The following FBXO41 variants were observed in gnomAD, a reference collection of about 807,000 sequenced individuals.
The protein encoded by FBXO41 is F-box protein 41.
In FBXO41, 33 loss-of-function variants were observed where a neutral mutation model predicts 81.6. The ratio of observed to expected loss-of-function variants is 0.40; its 90% CI spans 0.31 to 0.54. FBXO41 has a LOEUF of 0.54. Ranked by LOEUF, FBXO41 falls within the 20% of genes least tolerant of loss-of-function variation. The probability of loss-of-function intolerance (pLI) is 0.39; values close to 1 mark genes in which losing one functional copy is unlikely to be tolerated. For missense variants in FBXO41, 1,107 were observed against 1,236.0 expected (o/e 0.90, Z 1.56); for synonymous variants, 576 against 552.7 (o/e 1.04, Z -0.59).
At chr2:73,278,139 T>C (rs1688748246) in intron 1 of FBXO41, among the ~76,000 whole-genome samples, 1 of 152,158 alleles carries the variant, frequency 6.6e-6, no homozygotes, top group African/African-American at 2.4e-5. Flanking sequence ...GCTAGGACAG[T>C]GAAGCTGTCT....
In FBXO41 at chr2:73,258,113, C is replaced by T. The variant is rs886439101; in HGVS notation, c.*869G>A. ...GAAGGAAATTCCTTAAGGACAGGAA[C>T]TACTTCTCACTGTGACAGGGCTGCC... On this transcript the variant is annotated 3_prime_UTR_variant, in exon 13 of 13. Coordinates refer to ENST00000520530, the MANE Select transcript of FBXO41 (RefSeq NM_001371389.2). The T allele has an allele frequency of 6.6e-6, 1 of 152,256 alleles. No individual in the cohort carries two copies. Among genetic ancestry groups the T allele is most frequent in the African/African-American group, 2.4e-5 (1 of 41,454 alleles). The allele number at this position is 152,256 out of a possible 1,614,324, so 9.4% of individuals were successfully genotyped here.
chr2:73,281,366 C>A (rs896977160), intron 1 of FBXO41, among the ~76,000 whole-genome samples: 1 of 152,178 alleles, frequency 6.6e-6, no homozygotes, highest in Admixed American at 6.5e-5. Flanking sequence ...ATCACTTGCC[C>A]AAGGAAGGCC....
rs2103844204 is a variant in FBXO41, at chr2:73,258,948, G to C, written c.*34C>G. ...GGTCCAAAGAGAGTGCCCTGGTGTG[G>C]GGCTGGCAGGGGCCCTGCCGCCCCC... On this transcript the variant is annotated 3_prime_UTR_variant, in exon 13 of 13. Transcript: ENST00000520530. 1.3e-6 allele frequency: 2 copies of C among 1,548,448 alleles called. No individual in the cohort carries two copies. Among genetic ancestry groups the C allele is most frequent in the East Asian group, 4.9e-5 (2 of 41,166 alleles).
chr2:73,274,050 A>G (rs1001222255), intron 1 of FBXO41, among the ~76,000 whole-genome samples: 2 of 152,148 alleles, frequency 1.3e-5, no homozygotes, highest in African/African-American at 4.8e-5. Context: ...CCACAACCTC[A>G]TCACATCTAG....
rs556310305 is a variant in FBXO41 at position 73,260,289 on chromosome 2, G to A, written c.2449+100C>T. 14 of 1,451,690 alleles carry A rather than the reference G, an allele frequency of 9.6e-6. No homozygotes were observed. The highest frequency in any genetic ancestry group is 5.6e-5 in the African/African-American group (4 of 71,480). 89.9% of individuals were successfully genotyped at this position (1,451,690 alleles called of 1,614,324 possible). ...CCCCCTGCCTCTGCCCTTGGCTGGA[G>A]ACTCTGATCCATCTGCCCCAGTGAT... On this transcript the variant is annotated intron_variant, in intron 11 of 12. Coordinates refer to ENST00000520530, the MANE Select transcript of FBXO41 (RefSeq NM_001371389.2). The surrounding 1 kb of genome is among the most constrained non-coding windows in gnomAD (Gnocchi z 5.0).
At chr2:73,271,303 C>T in intron 1 of FBXO41, 1 of 253,936 alleles carries the variant, frequency 3.9e-6, no homozygotes, top group Non-Finnish European at 7.8e-6. Flanking sequence ...TCCTTCCCCA[C>T]TTTCTCAGTC....
rs1423545338 is a variant in FBXO41 at position 73,257,679 on chromosome 2, G to A, written c.*1303C>T. 1 of 152,266 alleles carries A rather than the reference G, an allele frequency of 6.6e-6. No homozygotes were observed. Among genetic ancestry groups the A allele is most frequent in the Non-Finnish European group, 1.5e-5 (1 of 68,094 alleles). The allele number at this position is 152,266 out of a possible 1,614,324, so 9.4% of individuals were successfully genotyped here. A position where few individuals can be genotyped will look rare whatever the true frequency, so the allele number is the denominator to read the frequency against. On this transcript the variant is annotated 3_prime_UTR_variant, in exon 13 of 13. Coordinates refer to ENST00000520530, the MANE Select transcript of FBXO41 (RefSeq NM_001371389.2). The surrounding 1 kb of genome is among the most constrained non-coding windows in gnomAD (Gnocchi z 4.6). ...TGTGGGAGTTCTGAGAGGAGGAACT[G>A]GGGAGACCTCAGCCTTTGGAGCCTT... is the stretch of plus-strand genomic sequence containing the variant.
At position 73,265,480 on chromosome 2, in the gene FBXO41, G is replaced by A. The variant is rs778527502; in HGVS notation, c.1366C>T (p.Pro456Ser). Residue 456 changes from proline to serine, a missense_variant, in exon 5 of 13, where the codon CCC becomes TCC. Transcript: ENST00000520530. ...CGCCGCAGGCCTGAGCTGCGAGGGG[G>A]CTGGGACCGCTCTGAGCCCCCGTTG... is the stretch of plus-strand genomic sequence containing the variant. Reference protein sequence around the residue: ...AANGGSERSQPPRSSGLRRQA... With the variant: ...AANGGSERSQSPRSSGLRRQA... 2.5e-6 allele frequency: 4 copies of A among 1,601,340 alleles called. No homozygotes were observed. Among genetic ancestry groups the A allele is most frequent in the African/African-American group, 2.7e-5 (2 of 74,848 alleles).
In FBXO41 at chr2:73,264,030, C is replaced by T; in HGVS notation, c.1830G>A (p.Trp610Ter). The change falls in exon 7 of 13, where the codon TGG becomes TGA. Residue 610 changes from tryptophan (W) to a stop codon, truncating the protein, a stop_gained. Coordinates refer to ENST00000520530, the MANE Select transcript of FBXO41 (RefSeq NM_001371389.2). LOFTEE classifies it high-confidence loss of function. ...GCGTCAGAGAGTGGGCCTGGGTGCA[C>T]CACTGAGCCAGCATTGCCAGGAACT... is the stretch of plus-strand genomic sequence containing the variant. ...CSKFLAMLAQ[W>*]CTQAHSLTLQ... The T allele has an allele frequency of 6.3e-7, 1 of 1,598,734 alleles. No homozygotes were observed. The highest frequency in any genetic ancestry group is 8.5e-7 in the Non-Finnish European group (1 of 1,172,438).
intron 5 of FBXO41, among the ~76,000 whole-genome samples, chr2:73,264,983 C>G (rs781696562): frequency 6.6e-6 from 1 of 152,146 alleles, no homozygotes; most frequent in African/African-American, 2.4e-5. Context: ...GCCTCTCCCC[C>G]ACTGCACCAG....
chr2:73,267,728 A>G lies in FBXO41; in HGVS notation c.905+998T>C, dbSNP rs533165163. On this transcript the variant is annotated intron_variant, in intron 2 of 12. Coordinates refer to ENST00000520530, the MANE Select transcript of FBXO41 (RefSeq NM_001371389.2). ...GCATTTAATGCACTTAACCTACTGA[A>G]CATCAGTGCTTAGCCTGGCTTGCCT... 2.6e-5 allele frequency among the ~76,000 whole-genome samples: 4 copies of G among 152,384 alleles called. No homozygotes were observed. In the South Asian group the frequency reaches 8.3e-4, roughly 32 times the overall value.
chr2:73,284,351 A>C lies in FBXO41; in HGVS notation c.-330T>G, dbSNP rs1252328801. On this transcript the variant is annotated 5_prime_UTR_variant, in exon 1 of 13. Coordinates refer to ENST00000520530, the MANE Select transcript of FBXO41 (RefSeq NM_001371389.2). This position sits in a 1 kb window ranked among gnomAD's most constrained non-coding sequence, Gnocchi z 7.4. ...GCGGGGGCGGCCGAACCTCCCAGCCAGTCGCAGCGGGAGGGGCGCACGAAC... is the reference window on the plus strand; with the variant it reads ...GCGGGGGCGGCCGAACCTCCCAGCCCGTCGCAGCGGGAGGGGCGCACGAAC... 1 of 151,918 alleles carries C rather than the reference A, an allele frequency of 6.6e-6. No individual in the cohort carries two copies. Among genetic ancestry groups the C allele is most frequent in the African/African-American group, 2.4e-5 (1 of 41,340 alleles). The allele number at this position is 151,918 out of a possible 1,614,324, so 9.4% of individuals were successfully genotyped here.
Position 73,269,671 on chromosome 2 carries a change from G to A in FBXO41, c.-41C>T. ...GCGGCACGCGGGCTCCACCGCGGCC[G>A]CCCCGCCGGTCAGCCGGGCGCGCTC... On this transcript the variant is annotated 5_prime_UTR_variant, in exon 2 of 13. Coordinates refer to ENST00000520530, the MANE Select transcript of FBXO41 (RefSeq NM_001371389.2). This position sits in a 1 kb window ranked among gnomAD's most constrained non-coding sequence, Gnocchi z 7.0. The A allele has an allele frequency of 8.8e-7, 1 of 1,140,736 alleles. No homozygotes were observed. Among genetic ancestry groups the A allele is most frequent in the Non-Finnish European group, 1.1e-6 (1 of 932,044 alleles). The allele number at this position is 1,140,736 out of a possible 1,614,324, so 70.7% of individuals were successfully genotyped here. A position where few individuals can be genotyped will look rare whatever the true frequency, so the allele number is the denominator to read the frequency against.
chr2:73,265,796 G>A (rs962339241), intron 4 of FBXO41, 97 bp downstream of exon 4: 13 of 1,469,284 alleles, frequency 8.8e-6, no homozygotes, highest in Non-Finnish European at 1.1e-5. Context: ...GACCCAGGGA[G>A]GGTAGGGGCA....
At chr2:73,265,721 T>G in intron 4 of FBXO41, 81 bp from the exon 5 acceptor site, 3 of 1,440,276 alleles carry the variant, frequency 2.1e-6, no homozygotes, top group Non-Finnish European at 1.8e-6. Context: ...TACCATCAGC[T>G]GAGGGCAACC....
chr2:73,265,962 T>C lies in FBXO41; in HGVS notation c.1136A>G (p.Glu379Gly). 2 of 1,571,684 alleles carry C rather than the reference T, an allele frequency of 1.3e-6. No individual in the cohort carries two copies. Among genetic ancestry groups the C allele is most frequent in the South Asian group, 1.2e-5 (1 of 85,508 alleles). Residue 379 changes from glutamate (E) to glycine (G), a missense_variant, in exon 4 of 13, where the codon GAA becomes GGA. By Grantham distance (98) the Glu-to-Gly change is moderately conservative. This residue lies in a region of FBXO41 where 771 missense variants were observed against 789.2 expected (regional missense o/e 0.98). Transcript: ENST00000520530. ...AGGCACGGCCGGGCCCACGTGGTGT[T>C]CTCGCTGTGGGCCCCCAGAGCAGGA... is the stretch of plus-strand genomic sequence containing the variant. ...PNARGPGRMR[E>G]HHVGPAVPNT...
Position 73,269,658 on chromosome 2 carries a change from C to A in FBXO41, c.-28G>T, listed in dbSNP as rs906561224. ...CCCCGCCGCCCCCGCGGCACGCGGG[C>A]TCCACCGCGGCCGCCCCGCCGGTCA... is the stretch of plus-strand genomic sequence containing the variant. On this transcript the variant is annotated 5_prime_UTR_variant, in exon 2 of 13. Transcript: ENST00000520530. This position sits in a 1 kb window ranked among gnomAD's most constrained non-coding sequence, Gnocchi z 7.0. The A allele has an allele frequency of 1.5e-4, 179 of 1,156,796 alleles. No individual in the cohort carries two copies. The highest frequency in any genetic ancestry group is 1.8e-4 in the Non-Finnish European group (166 of 942,656). The allele number at this position is 1,156,796 out of a possible 1,614,324, so 71.7% of individuals were successfully genotyped here.
At position 73,265,631 on chromosome 2, in the gene FBXO41, G is replaced by A. The variant is rs754862245; in HGVS notation, c.1215C>T (p.Ser405=). The change falls in exon 5 of 13, where the codon AGC becomes AGT. Residue 405 remains serine (S), a synonymous_variant. Coordinates refer to ENST00000520530, the MANE Select transcript of FBXO41 (RefSeq NM_001371389.2). The part of the protein sequence containing the change: ...HGSSPSTGAS[S]RVPAASQSSG... ...AGCTCTGGGATGCGGCTGGCACACG[G>A]CTGGAGGCCCTGGGGCAGGGTGGAC... 1 of 1,513,160 alleles carries A rather than the reference G, an allele frequency of 6.6e-7. No homozygotes were observed. Among genetic ancestry groups the A allele is most frequent in the African/African-American group, 1.4e-5 (1 of 72,004 alleles). 93.7% of individuals were successfully genotyped at this position (1,513,160 alleles called of 1,614,324 possible).
intron 9 of FBXO41, among the ~76,000 whole-genome samples, chr2:73,262,702 T>G (rs978991616): frequency 2.0e-4 from 30 of 152,358 alleles, no homozygotes; most frequent in African/African-American, 6.3e-4. Flanking sequence ...GCACTGCCAG[T>G]AAGCCAGGAC....
Sources: gnomAD v4.1 joint callset for allele counts (sites outside exome capture counted in the v4.1 genomes callset) on GRCh38, gnomAD v4.1.1 for gene constraint, gnomAD v4.1.1 regional missense constraint, Gnocchi (gnomAD v3.1) non-coding constraint, MANE v1.5 for transcripts, NCBI Gene and HGNC (gene_info 2026-07-23, HGNC 2026-07-21) for gene names.